FAM131B: variants seen among roughly 807,000 people sequenced by gnomAD.
FAM131B encodes the protein family with sequence similarity 131 member B, also known as protein FAM131B.
FAM131B carries 19 observed loss-of-function variants against 42.0 expected under a neutral mutation model. The ratio of observed to expected loss-of-function variants is 0.45; its 90% CI spans 0.32 to 0.66. FAM131B has a LOEUF of 0.66. Ranked by LOEUF, FAM131B falls within the 30% of genes least tolerant of loss-of-function variation. The pLI is 0.05. For synonymous variants in FAM131B, 183 were observed against 177.6 expected, an observed-to-expected ratio of 1.03 and a Z score of -0.24; for missense variants, 370 against 468.4, an observed-to-expected ratio of 0.79 and a Z score of 1.94.
At chr7:143,380,525 C>G in the FAM131B span, 1 of 985,538 alleles carries the variant, frequency 1.0e-6, no homozygotes, top group African/African-American at 1.7e-5. This position sits in a 1 kb window ranked among gnomAD's most constrained non-coding sequence, Gnocchi z 5.0. Flanking sequence ...CCCGGGTCTC[C>G]AGTCCGCAGG....
upstream of FAM131B, among the ~76,000 whole-genome samples, chr7:143,363,369 G>A (rs142540457): frequency 5.7e-3 from 870 of 152,278 alleles, 14 homozygotes; most frequent in African/African-American, 0.02. Flanking sequence ...TTGGGGATTG[G>A]AGAATATGAG....
chr7:143,379,158 G>C, the FAM131B span, among the ~76,000 whole-genome samples: 3 of 152,140 alleles, frequency 2.0e-5, no homozygotes, highest in Non-Finnish European at 4.4e-5. Context: ...ACATTTAGAG[G>C]GTAGATAGCT....
At chr7:143,360,491 A>G (rs1803909684) in intron 1 of FAM131B, 1 of 942,558 alleles carries the variant, frequency 1.1e-6, no homozygotes, top group Non-Finnish European at 1.3e-6. Context: ...CTCTATTACA[A>G]GTCTACAGAT....
intron 6 of FAM131B, 96 bp from the exon 7 acceptor site, chr7:143,357,118 G>C: frequency 2.6e-6 from 3 of 1,143,882 alleles, no homozygotes; most frequent in South Asian, 2.7e-5. Context: ...AGACAGCACA[G>C]AGAACTGGCA....
the FAM131B span, chr7:143,380,250 G>C: frequency 1.3e-6 from 1 of 770,086 alleles, no homozygotes; most frequent in Non-Finnish European, 1.6e-6. The surrounding 1 kb of genome is among the most constrained non-coding windows in gnomAD (Gnocchi z 5.0). Flanking sequence ...AAAAAAAAAA[G>C]AACTAGAAGA....
intron 1 of FAM131B, 180 bp from the exon 2 acceptor site, chr7:143,360,329 G>A: frequency 7.0e-7 from 1 of 1,436,770 alleles, no homozygotes; most frequent in Admixed American, 2.7e-5. Context: ...TTCAGTTTTA[G>A]CTCAACCCAG....
At position 143,359,653 on chromosome 7, in the gene FAM131B, G is replaced by T; in HGVS notation, c.174+79C>A. On this transcript the variant is annotated intron_variant, in intron 3 of 6. Coordinates refer to ENST00000443739, the MANE Select transcript of FAM131B (RefSeq NM_001031690.3). This position sits in a 1 kb window ranked among gnomAD's most constrained non-coding sequence, Gnocchi z 5.4. ...GCCTATTGGAGCCAGGGAATACCGTGCTGGTTGGAAGGTGCAAGGGAGAAG... is the reference window on the plus strand; with the variant it reads ...GCCTATTGGAGCCAGGGAATACCGTTCTGGTTGGAAGGTGCAAGGGAGAAG... 1 of 1,348,838 alleles carries T rather than the reference G, an allele frequency of 7.4e-7. No individual in the cohort carries two copies. The highest frequency in any genetic ancestry group is 1.0e-6 in the Non-Finnish European group (1 of 961,708). 83.6% of individuals were successfully genotyped at this position (1,348,838 alleles called of 1,614,324 possible).
chr7:143,364,557 A>G (rs1804135865), upstream of FAM131B, among the ~76,000 whole-genome samples: 2 of 152,138 alleles, frequency 1.3e-5, no homozygotes, highest in Admixed American at 1.3e-4. Flanking sequence ...ACACAACTAT[A>G]TAAGGCTGCA....
chr7:143,377,707 C>T, the FAM131B span, among the ~76,000 whole-genome samples: 33 of 152,158 alleles, frequency 2.2e-4, no homozygotes, highest in Admixed American at 1.8e-3. Context: ...TATAAACAAA[C>T]ATACATATAT....
rs1803620879 is a variant in FAM131B at position 143,355,725 on chromosome 7, C to G, written c.*825G>C. 6.6e-6 allele frequency: 1 copy of G among 152,652 alleles called. No individual in the cohort carries two copies. Among genetic ancestry groups the G allele is most frequent in the South Asian group, 2.1e-4 (1 of 4,830 alleles). The allele number at this position is 152,652 out of a possible 1,614,324, so 9.5% of individuals were successfully genotyped here. ...CTCCCGGAGCAGGGATGGAAGAAAG[C>G]TGAAAGGGAAGCAAGAGCTGGAGCA... On this transcript the variant is annotated 3_prime_UTR_variant, in exon 7 of 7. Coordinates refer to ENST00000443739, the MANE Select transcript of FAM131B (RefSeq NM_001031690.3). The surrounding 1 kb of genome is among the most constrained non-coding windows in gnomAD (Gnocchi z 4.1).
the FAM131B span, among the ~76,000 whole-genome samples, chr7:143,378,725 C>A: frequency 6.6e-6 from 1 of 152,054 alleles, no homozygotes; most frequent in Non-Finnish European, 1.5e-5. Flanking sequence ...TACACGCTCC[C>A]GCCACCTCAC....
At chr7:143,375,723 T>G in the FAM131B span, among the ~76,000 whole-genome samples, 2,364 of 152,288 alleles carry the variant, frequency 0.016, 26 homozygotes, top group Non-Finnish European at 0.022. Flanking sequence ...CAACCTCCAC[T>G]CTCTGCAATG....
chr7:143,381,620 C>A, the FAM131B span: 1 of 1,612,296 alleles, frequency 6.2e-7, no homozygotes. Flanking sequence ...GGTCTCGGCT[C>A]CGGCTTTTTA....
chr7:143,377,682 A>G, the FAM131B span, among the ~76,000 whole-genome samples: 3 of 152,128 alleles, frequency 2.0e-5, no homozygotes, highest in Non-Finnish European at 4.4e-5. Context: ...GATGATTAGA[A>G]GGGGCGAATA....
At chr7:143,380,282 TC>T in the FAM131B span, 1 of 984,622 alleles carries the variant, frequency 1.0e-6, no homozygotes, top group Non-Finnish European at 1.2e-6. The surrounding 1 kb of genome is among the most constrained non-coding windows in gnomAD (Gnocchi z 5.0). Flanking sequence ...CTGGCTTCTT[TC>T]GTGTAGCCTG....
chr7:143,378,679 T>C, the FAM131B span, among the ~76,000 whole-genome samples: 1 of 151,776 alleles, frequency 6.6e-6, no homozygotes, highest in East Asian at 1.9e-4. Flanking sequence ...GTTCAAGCGA[T>C]TCTTCTCCTG....
chr7:143,357,442 C>T lies in FAM131B; in HGVS notation c.467-19G>A. On this transcript the variant is annotated intron_variant, in intron 5 of 6. Transcript: ENST00000443739. The stretch of plus-strand genomic sequence containing the variant: ...ATGACGCCTGGGGGAAGAAATGCAA[C>T]AACCACAAAATACCTCAGGGAATCC... 1 of 1,601,630 alleles carries T rather than the reference C, an allele frequency of 6.2e-7. No individual in the cohort carries two copies. The highest frequency in any genetic ancestry group is 8.5e-7 in the Non-Finnish European group (1 of 1,173,368).
chr7:143,377,739 A>C, the FAM131B span, among the ~76,000 whole-genome samples: 668 of 152,130 alleles, frequency 4.4e-3, 1 homozygote, highest in African/African-American at 0.015. Flanking sequence ...TTTTGGACAG[A>C]GTCTCGATCT....
At chr7:143,380,881 G>A in the FAM131B span, 3 of 719,630 alleles carry the variant, frequency 4.2e-6, no homozygotes, top group Non-Finnish European at 5.1e-6. The surrounding 1 kb of genome is among the most constrained non-coding windows in gnomAD (Gnocchi z 5.0). Context: ...CCGGGTAACG[G>A]CAGGCCCGAG....
Sources: allele counts gnomAD v4.1 joint callset (sites outside exome capture counted in the v4.1 genomes callset), GRCh38; gene constraint gnomAD v4.1.1; non-coding constraint Gnocchi (gnomAD v3.1); transcripts MANE v1.5; gene names NCBI Gene and HGNC (gene_info 2026-07-23, HGNC 2026-07-21).